Variants in RTN4RL1 observed in about 807,000 individuals in gnomAD.
The protein encoded by RTN4RL1 is reticulon-4 receptor-like 1.
RTN4RL1 carries 7 observed loss-of-function variants against 25.6 expected under a neutral mutation model. The ratio of observed to expected loss-of-function variants is 0.27; its 90% CI spans 0.16 to 0.51. The LOEUF (loss-of-function observed/expected upper bound fraction) is 0.51, where lower values mean the gene tolerates loss of function less well. Ranked by LOEUF, RTN4RL1 falls within the 20% of genes least tolerant of loss-of-function variation. The pLI, the probability that RTN4RL1 is intolerant of heterozygous loss-of-function variation, is 0.97. For synonymous variants in RTN4RL1, 297 were observed against 288.2 expected (o/e 1.03, Z -0.31); for missense variants, 500 against 615.6 (o/e 0.81, Z 1.99).
rs2066848564 is a variant in RTN4RL1, at chr17:1,977,686, C to G, written c.14-39878G>C. On this transcript the variant is annotated intron_variant, in intron 1 of 1. Coordinates refer to ENST00000331238, the MANE Select transcript of RTN4RL1 (RefSeq NM_178568.4). Reference sequence around the variant, plus strand: ...TTTGCAGAGGGAAACCAATGTCATCCGTCTCCAACTTCTGAGGAGAGACCC... The same window carrying G: ...TTTGCAGAGGGAAACCAATGTCATCGGTCTCCAACTTCTGAGGAGAGACCC... 3.3e-5 allele frequency among the ~76,000 whole-genome samples: 5 copies of G among 152,192 alleles called. No individual in the cohort carries two copies. In the South Asian group the frequency reaches 1.0e-3, roughly 32 times the overall value.
intron 1 of RTN4RL1, among the ~76,000 whole-genome samples, chr17:1,942,502 G>A (rs1915459987): frequency 6.6e-6 from 1 of 152,064 alleles, no homozygotes; most frequent in Non-Finnish European, 1.5e-5. Context: ...GGAAGTGGGG[G>A]TGCTCAGGAA....
At chr17:2,008,286 C>G (rs938839945) in intron 1 of RTN4RL1, among the ~76,000 whole-genome samples, 4 of 150,188 alleles carry the variant, frequency 2.7e-5, no homozygotes, top group Non-Finnish European at 5.9e-5. Context: ...AAAAAAAAGA[C>G]CACCCCAAAC....
chr17:1,967,551 T>C (rs1265378755), intron 1 of RTN4RL1, among the ~76,000 whole-genome samples: 1 of 149,478 alleles, frequency 6.7e-6, no homozygotes, highest in Non-Finnish European at 1.5e-5. Flanking sequence ...GGCCTCTCCC[T>C]CTTCGAGCCC....
chr17:1,939,726 C>T (rs1158981076), intron 1 of RTN4RL1, among the ~76,000 whole-genome samples: 2 of 152,192 alleles, frequency 1.3e-5, no homozygotes, highest in Admixed American at 6.5e-5. Context: ...TATTGGAGCA[C>T]CCTCATTACG....
chr17:1,995,893 G>A (rs1213302030), intron 1 of RTN4RL1, among the ~76,000 whole-genome samples: 1 of 152,248 alleles, frequency 6.6e-6, no homozygotes, highest in Non-Finnish European at 1.5e-5. Flanking sequence ...AGGCTGCAGA[G>A]CCAGCGTCTC....
intron 1 of RTN4RL1, among the ~76,000 whole-genome samples, chr17:1,986,514 A>G (rs1032398233): frequency 2.0e-5 from 3 of 152,110 alleles, no homozygotes; most frequent in Admixed American, 2.0e-4. Context: ...AAATGCAATG[A>G]CAAATTTCCT....
intron 1 of RTN4RL1, among the ~76,000 whole-genome samples, chr17:1,938,056 C>G (rs1201529428): frequency 6.6e-6 from 1 of 152,170 alleles, no homozygotes; most frequent in Non-Finnish European, 1.5e-5. Flanking sequence ...CCCAATCACC[C>G]CCACACCTCC....
Position 1,994,635 on chromosome 17 carries a change from A to G in RTN4RL1, c.13+30218T>C, listed in dbSNP as rs1468892855. On this transcript the variant is annotated intron_variant, in intron 1 of 1. Transcript: ENST00000331238. The surrounding 1 kb of genome is among the most constrained non-coding windows in gnomAD (Gnocchi z 4.3). ...CTGAGTGAAGATGCTGGAGTCAGCC[A>G]GGCCTGGATTCCAATCCCAGCTCCG... Among the ~76,000 whole-genome samples, 2 of 152,182 alleles carry G rather than the reference A, an allele frequency of 1.3e-5. No individual in the cohort carries two copies. Among genetic ancestry groups the G allele is most frequent in the Non-Finnish European group, 2.9e-5 (2 of 68,036 alleles).
At chr17:2,014,296 T>C (rs73292199) in intron 1 of RTN4RL1, among the ~76,000 whole-genome samples, 1,796 of 152,204 alleles carry the variant, frequency 0.012, 30 homozygotes, top group African/African-American at 0.041. Context: ...ACTCACCAAC[T>C]GGCGGGGAAG....
intron 1 of RTN4RL1, among the ~76,000 whole-genome samples, chr17:1,967,144 G>A (rs900701162): frequency 3.4e-5 from 5 of 149,088 alleles, no homozygotes; most frequent in South Asian, 4.1e-4. Flanking sequence ...GGCTCCCGCC[G>A]CTCCTCCCCA....
intron 1 of RTN4RL1, among the ~76,000 whole-genome samples, chr17:1,948,497 C>T (rs895730227): frequency 2.6e-5 from 4 of 152,228 alleles, no homozygotes; most frequent in African/African-American, 9.6e-5. Flanking sequence ...AGCCAACTGC[C>T]CCTCCCCCAA....
At chr17:1,940,154 C>A (rs1187883343) in intron 1 of RTN4RL1, among the ~76,000 whole-genome samples, 1 of 152,260 alleles carries the variant, frequency 6.6e-6, no homozygotes, top group African/African-American at 2.4e-5. Flanking sequence ...GAGTTATGGG[C>A]TCCCAGAGAG....
intron 1 of RTN4RL1, among the ~76,000 whole-genome samples, chr17:1,969,803 T>C (rs998437774): frequency 6.6e-6 from 1 of 152,116 alleles, no homozygotes; most frequent in Non-Finnish European, 1.5e-5. Context: ...CTTACTACAA[T>C]AGTCCTGTCC....
At position 1,936,929 on chromosome 17, in the gene RTN4RL1, G is replaced by T; in HGVS notation, c.893C>A (p.Ala298Asp). The T allele has an allele frequency of 6.2e-7, 1 of 1,610,338 alleles. No individual in the cohort carries two copies. Among genetic ancestry groups the T allele is most frequent in the Non-Finnish European group, 8.5e-7 (1 of 1,179,134 alleles). Residue 298 changes from alanine (A) to aspartate (D), a missense_variant, in exon 2 of 2, where the codon GCC becomes GAC. Transcript: ENST00000331238. ...RHGQDLKLLR[A>D]EDFRNCTGPA... ...TCCCGTGCAGTTCCGGAAGTCCTCG[G>T]CCCTCAGCAGCTTCAGGTCCTGGCC...
rs1200100371 is a variant in RTN4RL1, at chr17:1,934,757, C to T, written c.*1739G>A. The T allele has an allele frequency of 6.5e-6, 1 of 152,702 alleles. No homozygotes were observed. The highest frequency in any genetic ancestry group is 1.5e-5 in the Non-Finnish European group (1 of 68,074). 9.5% of individuals were successfully genotyped at this position (152,702 alleles called of 1,614,324 possible). A position where few individuals can be genotyped will look rare whatever the true frequency, so the allele number is the denominator to read the frequency against. Reference sequence around the variant, plus strand: ...GCGTTTCTGGCTCCTCACACACATCCTCTCTGGTGGGGGATTCAGGTTTGT... The same window carrying T: ...GCGTTTCTGGCTCCTCACACACATCTTCTCTGGTGGGGGATTCAGGTTTGT... On this transcript the variant is annotated 3_prime_UTR_variant, in exon 2 of 2. Coordinates refer to ENST00000331238, the MANE Select transcript of RTN4RL1 (RefSeq NM_178568.4). The surrounding 1 kb of genome is among the most constrained non-coding windows in gnomAD (Gnocchi z 4.0).
intron 1 of RTN4RL1, among the ~76,000 whole-genome samples, chr17:1,962,619 C>T (rs549674876): frequency 2.7e-4 from 41 of 152,072 alleles, no homozygotes; most frequent in African/African-American, 9.6e-4. Context: ...AATCCCAGCA[C>T]TTTGGGAGGC....
chr17:2,000,393 G>A (rs1842809191), intron 1 of RTN4RL1, among the ~76,000 whole-genome samples: 1 of 152,100 alleles, frequency 6.6e-6, no homozygotes, highest in Non-Finnish European at 1.5e-5. Flanking sequence ...TGCCGCCCAG[G>A]CTGGAGTGCA....
In RTN4RL1 at chr17:1,991,757, G is replaced by T. The variant is rs189456471; in HGVS notation, c.13+33096C>A. 3.9e-4 allele frequency among the ~76,000 whole-genome samples: 59 copies of T among 152,292 alleles called. 2 individuals carry two copies. The highest frequency in any genetic ancestry group is 3.7e-3 in the Admixed American group (57 of 15,290). ...CAGCGGAAAATCCCATCGCACGGGGGTGTTGTCATCTACCCAGTGGATCCC... is the reference window on the plus strand; with the variant it reads ...CAGCGGAAAATCCCATCGCACGGGGTTGTTGTCATCTACCCAGTGGATCCC... On this transcript the variant is annotated intron_variant, in intron 1 of 1. Coordinates refer to ENST00000331238, the MANE Select transcript of RTN4RL1 (RefSeq NM_178568.4).
In RTN4RL1 at chr17:2,002,392, A is replaced by C. The variant is rs2066964451; in HGVS notation, c.13+22461T>G. Among the ~76,000 whole-genome samples, 6 of 150,424 alleles carry C rather than the reference A, an allele frequency of 4.0e-5. No individual in the cohort carries two copies. The South Asian group carries it at 1.3e-3, about 32-fold the overall frequency. On this transcript the variant is annotated intron_variant, in intron 1 of 1. Coordinates refer to ENST00000331238, the MANE Select transcript of RTN4RL1 (RefSeq NM_178568.4). ...ACTGCAAGCTCCGCCTCCCGGGTTC[A>C]CGCCATTCTCCTGCCTCAGCCTCCC...
Sources: gnomAD v4.1 joint callset for allele counts (sites outside exome capture counted in the v4.1 genomes callset) on GRCh38, gnomAD v4.1.1 for gene constraint, Gnocchi (gnomAD v3.1) non-coding constraint, MANE v1.5 for transcripts, NCBI Gene and HGNC (gene_info 2026-07-23, HGNC 2026-07-21) for gene names.